Variants in PKP4 observed in about 807,000 individuals in gnomAD.
PKP4 encodes plakophilin-4.
Under a neutral mutation model 145.1 loss-of-function variants are expected in PKP4, and 90 were observed. That is an observed-to-expected ratio of 0.62 (90% CI 0.52 to 0.74). The LOEUF is 0.74. PKP4 is among the 30% of genes least tolerant of loss of function. The pLI, the probability that PKP4 is intolerant of heterozygous loss-of-function variation, is 0.00. For missense variants in PKP4, 1,340 were observed against 1,482.7 expected (o/e 0.90, Z 1.58); for synonymous variants, 563 against 577.2 (o/e 0.98, Z 0.35).
At chr2:158,533,443 T>C (rs1242271422) in intron 2 of PKP4, 127 bp downstream of exon 2, 2 of 1,134,256 alleles carry the variant, frequency 1.8e-6, no homozygotes, top group Non-Finnish European at 2.6e-6. Context: ...ATAAGGTGTT[T>C]ACATCCCTGA....
At chr2:158,554,146 C>T (rs2045868874) in intron 2 of PKP4, among the ~76,000 whole-genome samples, 1 of 152,080 alleles carries the variant, frequency 6.6e-6, no homozygotes. Context: ...ACTTCCATGC[C>T]TGGCTTTACC....
chr2:158,486,741 G>C (rs1694218875), intron 1 of PKP4, among the ~76,000 whole-genome samples: 1 of 152,236 alleles, frequency 6.6e-6, no homozygotes, highest in Non-Finnish European at 1.5e-5. Flanking sequence ...GATGTGTAAT[G>C]CCAGCAGCAG....
At chr2:158,650,277 T>A (rs2055236664) in intron 11 of PKP4, among the ~76,000 whole-genome samples, 1 of 152,244 alleles carries the variant, frequency 6.6e-6, no homozygotes, top group Admixed American at 6.5e-5. Flanking sequence ...GTAAGCTTAT[T>A]TATTTTCTGT....
intron 8 of PKP4, 86 bp from the exon 9 acceptor site, chr2:158,633,984 C>T: frequency 1.3e-6 from 1 of 742,128 alleles, no homozygotes; most frequent in Non-Finnish European, 2.2e-6. Context: ...AAAATATAGT[C>T]CTTAAAATTA....
chr2:158,608,152 C>T (rs1189322368), intron 4 of PKP4, among the ~76,000 whole-genome samples: 1 of 152,154 alleles, frequency 6.6e-6, no homozygotes, highest in Non-Finnish European at 1.5e-5. Flanking sequence ...TGTATCAAAA[C>T]ACTTAATATA....
At chr2:158,623,580 C>G (rs1219972504) in intron 6 of PKP4, among the ~76,000 whole-genome samples, 1 of 152,160 alleles carries the variant, frequency 6.6e-6, no homozygotes, top group Non-Finnish European at 1.5e-5. Context: ...CATGTCTTCT[C>G]CCCTGCTATT....
intron 3 of PKP4, among the ~76,000 whole-genome samples, chr2:158,584,041 C>T (rs987008586): frequency 1.3e-5 from 2 of 152,126 alleles, no homozygotes; most frequent in African/African-American, 4.8e-5. Flanking sequence ...CCTTTCTGGC[C>T]GCATTCCGTT....
chr2:158,463,381 C>G (rs1690078043), intron 1 of PKP4, among the ~76,000 whole-genome samples: 1 of 148,512 alleles, frequency 6.7e-6, no homozygotes, highest in African/African-American at 2.5e-5. Flanking sequence ...ACTCTTTAAG[C>G]TGGCTTTTCT....
chr2:158,624,466 G>A (rs1257024322), intron 6 of PKP4, among the ~76,000 whole-genome samples: 1 of 152,080 alleles, frequency 6.6e-6, no homozygotes, highest in Non-Finnish European at 1.5e-5. Flanking sequence ...CATTGCCTTG[G>A]CCAAACTTTG....
At chr2:158,467,549 C>CAA (rs70994208) in intron 1 of PKP4, among the ~76,000 whole-genome samples, 104,932 of 127,698 alleles carry the variant, frequency 0.82, 43,568 homozygotes, top group East Asian at 0.92. Context: ...GAGACCTTGT[C>CAA]AAAAAAAAAA....
chr2:158,660,614 A>G (rs2056473811), intron 12 of PKP4: 1 of 152,670 alleles, frequency 6.6e-6, no homozygotes, highest in African/African-American at 2.4e-5. Context: ...TTAATGGGAC[A>G]TAAAATAGAT....
intron 1 of PKP4, among the ~76,000 whole-genome samples, chr2:158,466,335 G>A (rs1272283592): frequency 1.3e-5 from 2 of 152,064 alleles, no homozygotes; most frequent in Non-Finnish European, 2.9e-5. Context: ...AAACTATTTA[G>A]ACTTTAAAAA....
chr2:158,504,442 TA>T (rs982370824), intron 1 of PKP4, among the ~76,000 whole-genome samples: 32 of 152,242 alleles, frequency 2.1e-4, no homozygotes, highest in African/African-American at 7.7e-4. Context: ...TATTGATCTT[TA>T]CTATTTCTTT....
intron 2 of PKP4, among the ~76,000 whole-genome samples, chr2:158,556,192 A>G (rs541395513): frequency 3.9e-5 from 6 of 152,362 alleles, no homozygotes; most frequent in Middle Eastern, 6.8e-3. Context: ...AAACAAACAC[A>G]TCTCAGTGTG....
intron 20 of PKP4, 63 bp from the exon 21 acceptor site, chr2:158,678,518 A>G: frequency 8.4e-7 from 1 of 1,184,794 alleles, no homozygotes; most frequent in Non-Finnish European, 1.3e-6. Context: ...AGGGGAGACC[A>G]CCCAGCCTAA....
chr2:158,549,187 G>T, intron 2 of PKP4: 1 of 188,840 alleles, frequency 5.3e-6, no homozygotes, highest in East Asian at 1.2e-4. Context: ...AAGCTGGAAA[G>T]GGCAAACGCT....
At chr2:158,637,750 G>A (rs1176775243) in intron 9 of PKP4, among the ~76,000 whole-genome samples, 1 of 152,224 alleles carries the variant, frequency 6.6e-6, no homozygotes, top group Non-Finnish European at 1.5e-5. Flanking sequence ...AATTGTTTAT[G>A]GTGGGAGGGC....
At chr2:158,631,295 C>T (rs1021804609) in intron 7 of PKP4, among the ~76,000 whole-genome samples, 18 of 151,994 alleles carry the variant, frequency 1.2e-4, no homozygotes, top group Admixed American at 1.3e-4. Flanking sequence ...TGGCATTTCT[C>T]TTTGGTAAAA....
chr2:158,657,699 G>A (rs1444883218), intron 11 of PKP4, among the ~76,000 whole-genome samples: 4 of 152,158 alleles, frequency 2.6e-5, no homozygotes, highest in Non-Finnish European at 4.4e-5. Flanking sequence ...ATTTTTCCAA[G>A]TACTAAATTC....
Sources: gnomAD v4.1 joint callset for allele counts (sites outside exome capture counted in the v4.1 genomes callset) on GRCh38, gnomAD v4.1.1 for gene constraint, MANE v1.5 for transcripts, NCBI Gene and HGNC (gene_info 2026-07-23, HGNC 2026-07-21) for gene names.